The following KCNAB1 variants were observed in gnomAD, a reference collection of about 807,000 sequenced individuals.
KCNAB1 encodes voltage-gated potassium channel subunit beta-1.
KCNAB1 carries 35 observed loss-of-function variants against 64.6 expected under a neutral mutation model. The observed-to-expected ratio is 0.54, with a 90% CI of 0.41 to 0.72. KCNAB1 has a LOEUF of 0.72. KCNAB1 is among the 30% of genes least tolerant of loss of function. The pLI, the probability that KCNAB1 is intolerant of heterozygous loss-of-function variation, is 0.00. For synonymous variants in KCNAB1, 177 were observed against 183.8 expected, an observed-to-expected ratio of 0.96 and a Z score of 0.30; for missense variants, 401 against 512.9, an observed-to-expected ratio of 0.78 and a Z score of 2.11.
At chr3:156,233,536 A>T (rs1716659599) in intron 1 of KCNAB1, among the ~76,000 whole-genome samples, 4 of 152,194 alleles carry the variant, frequency 2.6e-5, no homozygotes, top group Non-Finnish European at 5.9e-5. Context: ...CTTGGAGGCC[A>T]TTCTAAGGCT....
chr3:156,141,481 G>GTT (rs1714703765), intron 1 of KCNAB1, among the ~76,000 whole-genome samples: 2 of 150,976 alleles, frequency 1.3e-5, no homozygotes, highest in Admixed American at 6.6e-5. Flanking sequence ...TTTTGAGAAT[G>GTT]TTATATATAT....
chr3:156,134,831 A>G (rs1395844171), intron 1 of KCNAB1, among the ~76,000 whole-genome samples: 3 of 152,218 alleles, frequency 2.0e-5, no homozygotes, highest in African/African-American at 7.2e-5. Flanking sequence ...TTTGTCTTCT[A>G]TAGCAGAGAC....
Position 156,182,739 on chromosome 3 carries a change from C to T in KCNAB1, c.275+61853C>T, listed in dbSNP as rs1231999906. On this transcript the variant is annotated intron_variant, in intron 1 of 13. Coordinates refer to ENST00000490337, the MANE Select transcript of KCNAB1 (RefSeq NM_172160.3). ...ATTTTGCGGAGTCTCTCTCTGTTGCCCGGGGTTGGAGTGCACTGGTGCCAT... is the reference window on the plus strand; with the variant it reads ...ATTTTGCGGAGTCTCTCTCTGTTGCTCGGGGTTGGAGTGCACTGGTGCCAT... Among the ~76,000 whole-genome samples the T allele has an allele frequency of 6.2e-5, 9 of 145,112 alleles. No individual in the cohort carries two copies. In the East Asian group the frequency reaches 1.4e-3, roughly 23 times the overall value.
intron 4 of KCNAB1, 63 bp downstream of exon 4, chr3:156,457,595 A>G (rs9990240): frequency 0.023 from 31,474 of 1,396,306 alleles, 652 homozygotes; most frequent in South Asian, 0.069. Flanking sequence ...ATCAGCCCAG[A>G]CCATTTCCAG....
intron 8 of KCNAB1, among the ~76,000 whole-genome samples, chr3:156,476,000 GA>G (rs1714310918): frequency 6.6e-6 from 1 of 152,046 alleles, no homozygotes; most frequent in African/African-American, 2.4e-5. Flanking sequence ...ATCAGCGTGG[GA>G]AATTTTCCAT....
chr3:156,469,475 T>G (rs1713716915), intron 7 of KCNAB1, among the ~76,000 whole-genome samples: 1 of 152,048 alleles, frequency 6.6e-6, no homozygotes, highest in Admixed American at 6.6e-5. Context: ...GCCAGACTGG[T>G]CTCAAATTCC....
rs183065408 is a variant in KCNAB1 at position 156,285,182 on chromosome 3, C to T, written c.276-136434C>T. Reference sequence around the variant, plus strand: ...GTGATATATAAAATAAATGTGTACTCGGGTTGATATTATTTTACAGTAGTT... The same window carrying T: ...GTGATATATAAAATAAATGTGTACTTGGGTTGATATTATTTTACAGTAGTT... On this transcript the variant is annotated intron_variant, in intron 1 of 13. Transcript: ENST00000490337. Among the ~76,000 whole-genome samples, 86 of 152,220 alleles carry T rather than the reference C, an allele frequency of 5.6e-4. 1 individual carries two copies. In the East Asian group the frequency reaches 6.2e-3, roughly 11 times the overall value.
chr3:156,478,124 G>GA (rs971203085), intron 8 of KCNAB1, among the ~76,000 whole-genome samples: 2 of 152,004 alleles, frequency 1.3e-5, no homozygotes, highest in Non-Finnish European at 2.9e-5. Context: ...CAAATGTGGT[G>GA]AAAAAATCAT....
At chr3:156,424,262 C>T (rs1461257566) in intron 2 of KCNAB1, among the ~76,000 whole-genome samples, 1 of 152,070 alleles carries the variant, frequency 6.6e-6, no homozygotes, top group Non-Finnish European at 1.5e-5. Flanking sequence ...CATGAGGGTC[C>T]TGATGATGTG....
At position 156,277,680 on chromosome 3, in the gene KCNAB1, A is replaced by G. The variant is rs549419470; in HGVS notation, c.276-143936A>G. ...CTCAGATTGCTTCCACATCTTGGCTATTGTGAATAGTGCTGCAACAAACAC... is the reference window on the plus strand; with the variant it reads ...CTCAGATTGCTTCCACATCTTGGCTGTTGTGAATAGTGCTGCAACAAACAC... On this transcript the variant is annotated intron_variant, in intron 1 of 13. Transcript: ENST00000490337. 9.8e-5 allele frequency among the ~76,000 whole-genome samples: 15 copies of G among 152,302 alleles called. 1 individual carries two copies. In the Middle Eastern group the frequency reaches 0.031, roughly 311 times the overall value.
intron 1 of KCNAB1, among the ~76,000 whole-genome samples, chr3:156,278,934 CTTTAT>C (rs201750195): frequency 0.014 from 2,105 of 151,882 alleles, 22 homozygotes; most frequent in Non-Finnish European, 0.021. Context: ...TTTGGGAATA[CTTTAT>C]TTTATTTTTT....
intron 8 of KCNAB1, among the ~76,000 whole-genome samples, chr3:156,513,903 G>C (rs746621737): frequency 3.9e-5 from 6 of 152,158 alleles, no homozygotes; most frequent in Non-Finnish European, 8.8e-5. Context: ...CCCATTCTGT[G>C]TGAGGTCCAG....
chr3:156,497,033 T>C (rs542053042), intron 8 of KCNAB1, among the ~76,000 whole-genome samples: 180 of 152,286 alleles, frequency 1.2e-3, no homozygotes, highest in African/African-American at 4.3e-3. Context: ...TTTTAAAATA[T>C]TAACATTAAT....
rs73162792 is a variant in KCNAB1, at chr3:156,246,286, A to G, written c.275+125400A>G. Among the ~76,000 whole-genome samples, 1,456 of 151,846 alleles carry G rather than the reference A, an allele frequency of 9.6e-3. 7 individuals carry two copies. The highest frequency in any genetic ancestry group is 0.016 in the Non-Finnish European group (1,053 of 67,886). ...GTAGGAGTGAGAGCTGTATGAGACT[A>G]TCAAAACCAAGCAACATCTAGTCTA... On this transcript the variant is annotated intron_variant, in intron 1 of 13. Coordinates refer to ENST00000490337, the MANE Select transcript of KCNAB1 (RefSeq NM_172160.3).
intron 1 of KCNAB1, among the ~76,000 whole-genome samples, chr3:156,133,905 CTT>C (rs1167404984): frequency 6.6e-6 from 1 of 151,270 alleles, no homozygotes; most frequent in Non-Finnish European, 1.5e-5. Context: ...AATTCGTTGA[CTT>C]TTGTTTTTTT....
intron 1 of KCNAB1, among the ~76,000 whole-genome samples, chr3:156,350,621 A>G (rs2108083600): frequency 6.6e-6 from 1 of 152,302 alleles, no homozygotes. Context: ...ACTTGACAAG[A>G]GAGGTCAAGA....
chr3:156,127,520 G>A (rs1435269835), intron 1 of KCNAB1, among the ~76,000 whole-genome samples: 1 of 152,214 alleles, frequency 6.6e-6, no homozygotes, highest in South Asian at 2.1e-4. Context: ...GCATATTAGA[G>A]AAAATGTTGG....
At chr3:156,443,770 AC>A (rs1405137481) in intron 2 of KCNAB1, among the ~76,000 whole-genome samples, 15 of 146,536 alleles carry the variant, frequency 1.0e-4, no homozygotes, top group African/African-American at 3.8e-4. Context: ...ACACACACAC[AC>A]ACACACACAC....
intron 1 of KCNAB1, among the ~76,000 whole-genome samples, chr3:156,244,161 A>G (rs1717325658): frequency 6.6e-6 from 1 of 152,242 alleles, no homozygotes; most frequent in Non-Finnish European, 1.5e-5. Flanking sequence ...TCTGGAGCTC[A>G]GTAGTCTAAA....
Sources: allele counts gnomAD v4.1 joint callset (sites outside exome capture counted in the v4.1 genomes callset), GRCh38; gene constraint gnomAD v4.1.1; transcripts MANE v1.5; gene names NCBI Gene and HGNC (gene_info 2026-07-23, HGNC 2026-07-21).